The following CLEC2L variants were observed in gnomAD, a reference collection of about 807,000 sequenced individuals.
CLEC2L encodes C-type lectin domain family 2 member L.
A neutral mutation model predicts 23.6 loss-of-function variants in CLEC2L; 14 were observed. The observed-to-expected ratio is 0.59, with a 90% CI of 0.39 to 0.93. The LOEUF is 0.93. Among genes scored for constraint, CLEC2L ranks in the 40% least tolerant of loss-of-function variants. The pLI, the probability that CLEC2L is intolerant of heterozygous loss-of-function variation, is 0.00. For synonymous variants in CLEC2L, 114 were observed against 121.3 expected, an observed-to-expected ratio of 0.94 and a Z score of 0.40; for missense variants, 264 against 282.4, an observed-to-expected ratio of 0.93 and a Z score of 0.47.
At chr7:139,528,570 A>C (rs989355514) in intron 1 of CLEC2L, among the ~76,000 whole-genome samples, 1 of 152,216 alleles carries the variant, frequency 6.6e-6, no homozygotes, top group Admixed American at 6.5e-5. Flanking sequence ...TATCACAAGA[A>C]CAGCATGATT....
rs181850337 is a variant in CLEC2L at position 139,530,536 on chromosome 7, G to A, written c.191-5738G>A. ...CTCTCAAGAAAGAGGGCTTCAGCTG[G>A]GCATGGTGGCTCACGCCTATAATCC... On this transcript the variant is annotated intron_variant, in intron 1 of 4. Transcript: ENST00000422142. Among the ~76,000 whole-genome samples the A allele has an allele frequency of 1.9e-3, 284 of 152,280 alleles. 2 individuals carry two copies. Among genetic ancestry groups the A allele is most frequent in the African/African-American group, 6.6e-3 (276 of 41,562 alleles).
Position 139,542,373 on chromosome 7 carries a change from G to C in CLEC2L, c.533+252G>C, listed in dbSNP as rs142019985. Among the ~76,000 whole-genome samples the C allele has an allele frequency of 1.9e-3, 294 of 152,272 alleles. 1 individual carries two copies. Among genetic ancestry groups the C allele is most frequent in the African/African-American group, 6.6e-3 (276 of 41,558 alleles). On this transcript the variant is annotated intron_variant, in intron 4 of 4. Coordinates refer to ENST00000422142, the MANE Select transcript of CLEC2L (RefSeq NM_001080511.4). The stretch of plus-strand genomic sequence containing the variant: ...CAGAGCTTCGCGGTGTCCGGCCCAG[G>C]GTCTCTCCACCCTTGAGTCCCTGAT...
intron 4 of CLEC2L, 65 bp downstream of exon 4, chr7:139,542,186 G>T: frequency 9.2e-7 from 1 of 1,082,814 alleles, no homozygotes; most frequent in South Asian, 1.4e-5. Context: ...TCACCCCCTG[G>T]ACACAACTCC....
intron 1 of CLEC2L, among the ~76,000 whole-genome samples, chr7:139,525,339 G>A (rs1797491772): frequency 6.6e-6 from 1 of 152,174 alleles, no homozygotes; most frequent in Admixed American, 6.5e-5. Context: ...GGATGGCGAG[G>A]TGGGGATGGT....
At chr7:139,536,161 A>G in intron 1 of CLEC2L, 113 bp from the exon 2 acceptor site, 1 of 782,100 alleles carries the variant, frequency 1.3e-6, no homozygotes, top group Non-Finnish European at 2.0e-6. Flanking sequence ...ACAACAAAAC[A>G]CAGCTTGCTG....
chr7:139,529,462 G>A (rs1585197328), intron 1 of CLEC2L, among the ~76,000 whole-genome samples: 2 of 152,312 alleles, frequency 1.3e-5, no homozygotes, highest in Admixed American at 6.5e-5. Flanking sequence ...TGATAGAGAA[G>A]AGGCTAATAG....
At position 139,536,283 on chromosome 7, in the gene CLEC2L, C is replaced by T; in HGVS notation, c.200C>T (p.Thr67Ile). Reference sequence around the variant, plus strand: ...CTCTCTCTTCTCCTAGACACCACCACACGCCTCCTGCTGGGTGCCATCGCG... The same window carrying T: ...CTCTCTCTTCTCCTAGACACCACCATACGCCTCCTGCTGGGTGCCATCGCG... ...SWKAALEDTT[T>I]RLLLGAIAVL... The change falls in exon 2 of 5, where the codon ACA becomes ATA. Residue 67 changes from threonine (T) to isoleucine (I), a missense_variant. Physicochemically the swap from Thr to Ile is moderately conservative, Grantham distance 89 (BLOSUM62 -1). Transcript: ENST00000422142. The T allele has an allele frequency of 6.4e-7, 1 of 1,551,402 alleles. No homozygotes were observed. Among genetic ancestry groups the T allele is most frequent in the East Asian group, 2.4e-5 (1 of 40,894 alleles).
intron 1 of CLEC2L, among the ~76,000 whole-genome samples, chr7:139,525,531 T>C (rs925438381): frequency 4.6e-5 from 7 of 152,062 alleles, no homozygotes; most frequent in African/African-American, 1.7e-4. Flanking sequence ...GTGGAATGGA[T>C]GGAGGTGGTC....
chr7:139,544,394 G>C lies in CLEC2L; in HGVS notation c.*52G>C. ...CCCCTAGGCCTGTGGGAGGTGTCTG[G>C]TGTCTGCTCAAGACCTGCTTCCAGC... On this transcript the variant is annotated 3_prime_UTR_variant, in exon 5 of 5. Transcript: ENST00000422142. 2.2e-6 allele frequency: 3 copies of C among 1,341,404 alleles called. No homozygotes were observed. Among genetic ancestry groups the C allele is most frequent in the Non-Finnish European group, 3.2e-6 (3 of 951,586 alleles). The allele number at this position is 1,341,404 out of a possible 1,614,324, so 83.1% of individuals were successfully genotyped here.
At chr7:139,541,963 G>T in intron 3 of CLEC2L, 58 bp from the exon 4 acceptor site, 7 of 1,161,804 alleles carry the variant, frequency 6.0e-6, no homozygotes, top group Non-Finnish European at 8.9e-6. Context: ...GTCTTGGGAT[G>T]TGACAGCAGT....
At chr7:139,541,372 GAAA>G (rs1797733526) in intron 3 of CLEC2L, among the ~76,000 whole-genome samples, 24 of 152,012 alleles carry the variant, frequency 1.6e-4, no homozygotes, top group Non-Finnish European at 3.1e-4. Context: ...TGTGAAATGT[GAAA>G]ACACATTGTC....
At position 139,540,419 on chromosome 7, in the gene CLEC2L, A is replaced by T. The variant is rs781781592; in HGVS notation, c.364A>T (p.Asn122Tyr). The change falls in exon 3 of 5, where the codon AAC becomes TAC. Residue 122 changes from asparagine (N) to tyrosine (Y), a missense_variant. Physicochemically the swap from Asn to Tyr is moderately radical, Grantham distance 143 (BLOSUM62 -2). Transcript: ENST00000422142. The surrounding 1 kb of genome is among the most constrained non-coding windows in gnomAD (Gnocchi z 5.8). ...YFFSEEPRDWNTGRQYCHTHE... is the reference protein window; with the variant it reads ...YFFSEEPRDWYTGRQYCHTHE... ...CTTTTCCGAGGAACCCAGAGACTGG[A>T]ACACAGGCAGGCAGTACTGCCACAC... 1 of 1,607,766 alleles carries T rather than the reference A, an allele frequency of 6.2e-7. No homozygotes were observed.
At position 139,523,864 on chromosome 7, in the gene CLEC2L, C is replaced by A. The variant is rs1406132941; in HGVS notation, c.-64C>A. ...CGCAGGGCGCGCGGAGCGCCGAGTG[C>A]GCGTCGGGCTGGGCCCCGCACCCCG... On this transcript the variant is annotated 5_prime_UTR_variant, in exon 1 of 5. Coordinates refer to ENST00000422142, the MANE Select transcript of CLEC2L (RefSeq NM_001080511.4). This position sits in a 1 kb window ranked among gnomAD's most constrained non-coding sequence, Gnocchi z 4.1. 5 of 969,464 alleles carry A rather than the reference C, an allele frequency of 5.2e-6. No individual in the cohort carries two copies. The highest frequency in any genetic ancestry group is 1.1e-4 in the East Asian group (1 of 8,702). 60.1% of individuals were successfully genotyped at this position (969,464 alleles called of 1,614,324 possible).
chr7:139,542,014 G>C lies in CLEC2L; in HGVS notation c.433-7G>C, dbSNP rs748352378. ...GACCCTGAGGTGTCCCTTTTTCCTC[G>C]GTGCAGGAATTTATGTTCAAGTTCA... On this transcript the variant is annotated splice_region_variant and splice_polypyrimidine_tract_variant and intron_variant, in intron 3 of 4. Coordinates refer to ENST00000422142, the MANE Select transcript of CLEC2L (RefSeq NM_001080511.4). The C allele has an allele frequency of 1.2e-5, 20 of 1,602,768 alleles. No individual in the cohort carries two copies. The highest frequency in any genetic ancestry group is 1.6e-5 in the Non-Finnish European group (19 of 1,173,702).
intron 1 of CLEC2L, among the ~76,000 whole-genome samples, chr7:139,533,808 G>A (rs935681202): frequency 6.6e-6 from 1 of 152,120 alleles, no homozygotes; most frequent in Non-Finnish European, 1.5e-5. Context: ...TTGGATGTCG[G>A]GTAATTGCTA....
chr7:139,531,929 AAAAG>A lies in CLEC2L; in HGVS notation c.191-4341_191-4338del, dbSNP rs1429757792. On this transcript the variant is annotated intron_variant, in intron 1 of 4. Coordinates refer to ENST00000422142, the MANE Select transcript of CLEC2L (RefSeq NM_001080511.4). ...TGTCTCAAAAAAAAAAAGAAAAAGA[AAAAG>A]AAAAAAAATTTCCTGGAACTGAAAA... Among the ~76,000 whole-genome samples the A allele has an allele frequency of 1.1e-4, 17 of 152,144 alleles. No individual in the cohort carries two copies. The East Asian group carries it at 3.3e-3, about 29-fold the overall frequency.
intron 3 of CLEC2L, among the ~76,000 whole-genome samples, chr7:139,541,047 C>T (rs942498975): frequency 6.6e-6 from 1 of 152,228 alleles, no homozygotes; most frequent in African/African-American, 2.4e-5. Context: ...CTCACTCTGT[C>T]GCCCTGGCTG....
chr7:139,524,578 G>GAGGGC (rs138557333), intron 1 of CLEC2L, among the ~76,000 whole-genome samples: 4 of 152,040 alleles, frequency 2.6e-5, no homozygotes, highest in African/African-American at 7.3e-5. Context: ...GGCATGTGGG[G>GAGGGC]AGGGCAGGGC....
intron 1 of CLEC2L, 84 bp downstream of exon 1, chr7:139,524,201 T>C: frequency 1.0e-6 from 1 of 1,003,566 alleles, no homozygotes; most frequent in Non-Finnish European, 1.2e-6. Context: ...CAGAGTCACC[T>C]TGGCCGCTGT....
Sources: allele counts gnomAD v4.1 joint callset (sites outside exome capture counted in the v4.1 genomes callset), GRCh38; gene constraint gnomAD v4.1.1; non-coding constraint Gnocchi (gnomAD v3.1); transcripts MANE v1.5; gene names NCBI Gene and HGNC (gene_info 2026-07-23, HGNC 2026-07-21).